The following CEP112 variants were observed in gnomAD, a reference collection of about 807,000 sequenced individuals.
CEP112 encodes centrosomal protein 112, also known as centrosomal protein of 112 kDa.
A neutral mutation model predicts 153.0 loss-of-function variants in CEP112; 127 were observed. That is an observed-to-expected ratio of 0.83 (90% CI 0.72 to 0.96). The LOEUF (loss-of-function observed/expected upper bound fraction) is 0.96, where lower values mean the gene tolerates loss of function less well. CEP112 is among the 40% of genes least tolerant of loss of function. CEP112 has a pLI of 0.00. For synonymous variants in CEP112, 358 were observed against 374.4 expected (o/e 0.96, Z 0.51); for missense variants, 1,089 against 1,101.2 (o/e 0.99, Z 0.16).
intron 6 of CEP112, among the ~76,000 whole-genome samples, chr17:66,097,365 T>TGCTA (rs1407059180): frequency 1.3e-5 from 2 of 152,174 alleles, no homozygotes; most frequent in Admixed American, 1.3e-4. Flanking sequence ...GTACCCTGGA[T>TGCTA]GCTAGTTCCC....
At chr17:65,927,010 C>T (rs944047764) in intron 19 of CEP112, among the ~76,000 whole-genome samples, 15 of 152,140 alleles carry the variant, frequency 9.9e-5, no homozygotes, top group African/African-American at 2.4e-4. Context: ...GTTGGAGGTG[C>T]GGCCTTGTGG....
intron 4 of CEP112, among the ~76,000 whole-genome samples, chr17:66,133,443 T>TA (rs1232023473): frequency 1.3e-5 from 2 of 152,208 alleles, no homozygotes; most frequent in Non-Finnish European, 2.9e-5. Context: ...AAACCACAGA[T>TA]ATATCAAAAT....
chr17:65,765,981 C>T (rs1489210851), intron 21 of CEP112, among the ~76,000 whole-genome samples: 4 of 151,450 alleles, frequency 2.6e-5, no homozygotes, highest in African/African-American at 7.3e-5. Flanking sequence ...CCAAAGAACA[C>T]AATAATTCTT....
chr17:65,913,435 T>C (rs2060359282), intron 19 of CEP112: 1 of 908,046 alleles, frequency 1.1e-6, no homozygotes, highest in African/African-American at 1.8e-5. Flanking sequence ...CAGAAAATAC[T>C]ACAATCTGGT....
chr17:65,969,963 T>C (rs1027433699), intron 17 of CEP112, among the ~76,000 whole-genome samples: 2 of 152,276 alleles, frequency 1.3e-5, no homozygotes, highest in Non-Finnish European at 2.9e-5. Context: ...ATATTAAATG[T>C]ATGTATAACA....
intron 18 of CEP112, among the ~76,000 whole-genome samples, chr17:65,936,469 A>G (rs905915618): frequency 1.3e-5 from 2 of 152,212 alleles, no homozygotes; most frequent in African/African-American, 4.8e-5. Context: ...ACACAAGGAA[A>G]GAACATTACA....
At chr17:65,916,539 C>CTT in intron 19 of CEP112, among the ~76,000 whole-genome samples, 1 of 145,946 alleles carries the variant, frequency 6.9e-6, no homozygotes, top group African/African-American at 2.5e-5. Context: ...AAAACAGCTT[C>CTT]TTTTTTTTTT....
intron 22 of CEP112, among the ~76,000 whole-genome samples, chr17:65,744,243 G>GTTTA (rs770817956): frequency 1.3e-5 from 2 of 151,142 alleles, no homozygotes; most frequent in Non-Finnish European, 3.0e-5. Context: ...TTTTTTGTTT[G>GTTTA]TTTGTTTGTT....
intron 2 of CEP112, 54 bp from the exon 3 acceptor site, chr17:66,177,074 C>G: frequency 7.0e-7 from 1 of 1,427,592 alleles, no homozygotes; most frequent in Non-Finnish European, 9.5e-7. Context: ...ATGAAACATT[C>G]AATTACAAAG....
intron 24 of CEP112, among the ~76,000 whole-genome samples, chr17:65,642,756 G>A (rs757790614): frequency 7.9e-5 from 12 of 152,178 alleles, no homozygotes; most frequent in East Asian, 1.9e-4. Context: ...AAAGCAAAAC[G>A]CATGCTTTAT....
intron 17 of CEP112, among the ~76,000 whole-genome samples, chr17:65,976,609 CAG>C (rs1165121378): frequency 6.6e-6 from 1 of 151,720 alleles, no homozygotes; most frequent in African/African-American, 2.4e-5. Flanking sequence ...ATAATTTTGA[CAG>C]GGGTGAGATA....
chr17:66,042,204 G>A (rs1040451168), intron 12 of CEP112, among the ~76,000 whole-genome samples: 45 of 152,154 alleles, frequency 3.0e-4, no homozygotes, highest in African/African-American at 1.0e-3. Context: ...ACAAAAATTA[G>A]CTGGGCATGG....
chr17:65,994,713 C>A (rs1030745749), intron 17 of CEP112, among the ~76,000 whole-genome samples: 1 of 152,098 alleles, frequency 6.6e-6, no homozygotes, highest in South Asian at 2.1e-4. Flanking sequence ...AAATAGGAAA[C>A]ACACGGAGAG....
chr17:65,867,149 G>A (rs2058514639), intron 20 of CEP112, among the ~76,000 whole-genome samples: 3 of 152,206 alleles, frequency 2.0e-5, no homozygotes. Context: ...TGTCAGCCAT[G>A]GCAGCTGCTT....
intron 8 of CEP112, among the ~76,000 whole-genome samples, chr17:66,088,321 C>G (rs1325490504): frequency 6.6e-6 from 1 of 152,132 alleles, no homozygotes; most frequent in Non-Finnish European, 1.5e-5. Flanking sequence ...AGTCTCTGGA[C>G]TCACCACATT....
chr17:65,937,795 G>A (rs1480199327), intron 18 of CEP112, among the ~76,000 whole-genome samples: 1 of 100,982 alleles, frequency 9.9e-6, no homozygotes, highest in African/African-American at 3.3e-5. Context: ...AGGGGGGTGG[G>A]GGGGGTCAGC....
At chr17:65,929,967 A>G (rs2061065628) in intron 18 of CEP112, among the ~76,000 whole-genome samples, 1 of 152,224 alleles carries the variant, frequency 6.6e-6, no homozygotes, top group South Asian at 2.1e-4. Context: ...TGTCAACAAC[A>G]TGAAAATGGT....
At chr17:66,055,965 A>G (rs1324920980) in intron 11 of CEP112, among the ~76,000 whole-genome samples, 1 of 152,200 alleles carries the variant, frequency 6.6e-6, no homozygotes, top group East Asian at 1.9e-4. Context: ...AAACCTAACA[A>G]TGAATTGGAG....
intron 12 of CEP112, among the ~76,000 whole-genome samples, chr17:66,053,103 T>G: frequency 1.6e-5 from 1 of 62,754 alleles, no homozygotes. Context: ...CAAGACCCTG[T>G]CTCAAAGGAA....
Sources: gnomAD v4.1 joint callset for allele counts (sites outside exome capture counted in the v4.1 genomes callset) on GRCh38, gnomAD v4.1.1 for gene constraint, MANE v1.5 for transcripts, NCBI Gene and HGNC (gene_info 2026-07-23, HGNC 2026-07-21) for gene names.